The following ABAT variants were observed in gnomAD, a reference collection of about 807,000 sequenced individuals.
ABAT encodes 4-aminobutyrate aminotransferase.
In ABAT, 45 loss-of-function variants were observed where a neutral mutation model predicts 64.6. The ratio of observed to expected loss-of-function variants is 0.70; its 90% confidence interval spans 0.55 to 0.89. The LOEUF (loss-of-function observed/expected upper bound fraction) is 0.89. ABAT is among the 40% of genes least tolerant of loss of function. The pLI, the probability that ABAT is intolerant of heterozygous loss-of-function variation, is 0.00. For synonymous variants in ABAT, 297 were observed against 250.5 expected, an observed-to-expected ratio of 1.19 and a Z score of -1.75; for missense variants, 633 against 658.4, an observed-to-expected ratio of 0.96 and a Z score of 0.42.
intron 1 of ABAT, among the ~76,000 whole-genome samples, chr16:8,707,828 C>A (rs550770139): frequency 6.6e-6 from 1 of 152,106 alleles, no homozygotes; most frequent in Non-Finnish European, 1.5e-5. Context: ...CCTTGGCCTC[C>A]CAAAGTGCTG....
chr16:8,722,662 A>C, intron 1 of ABAT: 1 of 456,818 alleles, frequency 2.2e-6, no homozygotes, highest in Non-Finnish European at 3.7e-6. Flanking sequence ...GTAACTTCAG[A>C]TTTTCAGATT....
rs199867105 is a variant in ABAT at position 8,738,039 on chromosome 16, CAGACA to C, written c.70+2236_70+2240del. ...AAGGAAAGAAAGAAAGAAGGACAGA[CAGACA>C]AGACAGTGGCTCACAGCTGTAACCC... On this transcript the variant is annotated intron_variant, in intron 2 of 15. Coordinates refer to ENST00000268251, the MANE Select transcript of ABAT (RefSeq NM_020686.6). Among the ~76,000 whole-genome samples, 50 of 104,430 alleles carry C rather than the reference CAGACA, an allele frequency of 4.8e-4. No individual in the cohort carries two copies. In the East Asian group the frequency reaches 5.3e-3, roughly 11 times the overall value. 68.5% of individuals were successfully genotyped at this position (104,430 alleles called of 152,430 possible).
chr16:8,775,156 A>T lies in ABAT; in HGVS notation c.1122+99A>T. On this transcript the variant is annotated intron_variant, in intron 13 of 15. Transcript: ENST00000268251. ...CTCACCATCGAGGAGCTGGGTGGGC[A>T]CTTACTGGGTCGCAGGTTTTCTAAG... 2.6e-6 allele frequency: 4 copies of T among 1,527,046 alleles called. No homozygotes were observed. The South Asian group carries it at 4.6e-5, about 17-fold the overall frequency. 94.6% of individuals were successfully genotyped at this position (1,527,046 alleles called of 1,614,324 possible).
At chr16:8,775,134 A>G in intron 13 of ABAT, 77 bp downstream of exon 13, 1 of 1,589,558 alleles carries the variant, frequency 6.3e-7, no homozygotes, top group East Asian at 2.2e-5. Flanking sequence ...TTCCTTTCTC[A>G]CCATCGAGGA....
At chr16:8,723,739 G>C (rs1328203043) in intron 1 of ABAT, among the ~76,000 whole-genome samples, 1 of 148,276 alleles carries the variant, frequency 6.7e-6, no homozygotes, top group Non-Finnish European at 1.5e-5. Context: ...CTGAGGCTCA[G>C]AGCATTTTTG....
chr16:8,714,412 T>C (rs866000720), intron 1 of ABAT, among the ~76,000 whole-genome samples: 1 of 152,328 alleles, frequency 6.6e-6, no homozygotes, highest in East Asian at 1.9e-4. Flanking sequence ...AGTGAGAATC[T>C]CAGTTGACAG....
In ABAT at chr16:8,774,961, G is replaced by C. The variant is rs749659197; in HGVS notation, c.1026G>C (p.Glu342Asp). ...GCACGGGCAAGTTCTGGGCCCATGAGCACTGGGGCCTGGATGACCCAGCAG... is the reference window on the plus strand; with the variant it reads ...GCACGGGCAAGTTCTGGGCCCATGACCACTGGGGCCTGGATGACCCAGCAG... ...GGCTGKFWAH[E>D]HWGLDDPADV... is the part of the protein sequence containing the mutation. The change falls in exon 13 of 16, where the codon GAG becomes GAC. Residue 342 changes from glutamate to aspartate, a missense_variant. Coordinates refer to ENST00000268251, the MANE Select transcript of ABAT (RefSeq NM_020686.6). 23 of 1,614,092 alleles carry C rather than the reference G, an allele frequency of 1.4e-5. No individual in the cohort carries two copies. The South Asian group carries it at 2.3e-4, about 16-fold the overall frequency.
At chr16:8,682,043 C>T (rs756598183) in intron 1 of ABAT, among the ~76,000 whole-genome samples, 8 of 152,264 alleles carry the variant, frequency 5.3e-5, no homozygotes, top group East Asian at 1.9e-4. Context: ...CCTTCCTCCA[C>T]GTTGTGACAG....
chr16:8,731,631 TC>T (rs1367685767), intron 1 of ABAT: 1 of 149,016 alleles, frequency 6.7e-6, no homozygotes, highest in African/African-American at 2.5e-5. Flanking sequence ...GGATCACTTT[TC>T]TTTTTTTTTT....
intron 5 of ABAT, among the ~76,000 whole-genome samples, chr16:8,753,154 C>T (rs1456593403): frequency 6.7e-6 from 1 of 149,138 alleles, no homozygotes; most frequent in Non-Finnish European, 1.5e-5. Context: ...AGTGTAGTGG[C>T]ATGATCTCGG....
intron 1 of ABAT, 72 bp from the exon 2 acceptor site, chr16:8,735,627 T>C (rs2058900770): frequency 8.1e-7 from 1 of 1,233,716 alleles, no homozygotes; most frequent in Non-Finnish European, 1.2e-6. Flanking sequence ...TGGGAAGTGG[T>C]GGGGATGGGA....
At chr16:8,735,337 A>G (rs1302396021) in intron 1 of ABAT, among the ~76,000 whole-genome samples, 2 of 151,962 alleles carry the variant, frequency 1.3e-5, no homozygotes, top group African/African-American at 4.8e-5. Context: ...CTGCAGCCTC[A>G]AATTCCTGGG....
At position 8,711,874 on chromosome 16, in the gene ABAT, A is replaced by G. The variant is rs538868204; in HGVS notation, c.-41-23825A>G. 1.6e-4 allele frequency among the ~76,000 whole-genome samples: 24 copies of G among 152,212 alleles called. 1 individual carries two copies. The South Asian group carries it at 1.7e-3, about 11-fold the overall frequency. Reference sequence around the variant, plus strand: ...TGGAGAGATGGAGGGAGAGAAGGATAGATGGATGAATGAACAGACAGACAA... The same window carrying G: ...TGGAGAGATGGAGGGAGAGAAGGATGGATGGATGAATGAACAGACAGACAA... On this transcript the variant is annotated intron_variant, in intron 1 of 15. Transcript: ENST00000268251.
intron 14 of ABAT, among the ~76,000 whole-genome samples, chr16:8,777,533 A>G (rs2060302328): frequency 6.6e-6 from 1 of 152,158 alleles, no homozygotes; most frequent in Admixed American, 6.5e-5. Context: ...ACACTTGATT[A>G]AGAGCTGGTC....
At chr16:8,774,275 G>A (rs1815518968) in intron 12 of ABAT, among the ~76,000 whole-genome samples, 1 of 152,082 alleles carries the variant, frequency 6.6e-6, no homozygotes, top group African/African-American at 2.4e-5. Flanking sequence ...TTCATCCATC[G>A]ATGGACAGAT....
chr16:8,713,549 A>G, intron 1 of ABAT: 1 of 222,996 alleles, frequency 4.5e-6, no homozygotes, highest in South Asian at 5.6e-5. Flanking sequence ...TCAGTCTCTC[A>G]CATTCTGTCT....
chr16:8,778,838 G>T (rs2060346005), intron 14 of ABAT, among the ~76,000 whole-genome samples: 1 of 151,454 alleles, frequency 6.6e-6, no homozygotes, highest in African/African-American at 2.4e-5. Context: ...AATGCAGGAA[G>T]ACTTCATTTT....
chr16:8,752,256 T>C (rs2059510040), intron 5 of ABAT, among the ~76,000 whole-genome samples: 1 of 152,186 alleles, frequency 6.6e-6, no homozygotes, highest in Admixed American at 6.5e-5. Context: ...GGAAGGCATT[T>C]TGGAGACAAG....
intron 1 of ABAT, among the ~76,000 whole-genome samples, chr16:8,709,362 ATTTATTTAT>A (rs1395952527): frequency 1.3e-4 from 2 of 15,582 alleles, no homozygotes; most frequent in African/African-American, 2.5e-4. Context: ...TTATTTATTT[ATTTATTTAT>A]TTATTTATTT....
Sources: gnomAD v4.1 joint callset for allele counts (sites outside exome capture counted in the v4.1 genomes callset) on GRCh38, gnomAD v4.1.1 for gene constraint, MANE v1.5 for transcripts, NCBI Gene and HGNC (gene_info 2026-07-23, HGNC 2026-07-21) for gene names.